IDO2: variants seen among roughly 807,000 people sequenced by gnomAD.
IDO2 encodes indoleamine 2,3-dioxygenase 2.
Under a neutral mutation model 45.1 loss-of-function variants are expected in IDO2, and 46 were observed. The observed-to-expected ratio is 1.02, with a 90% CI of 0.80 to 1.30. The LOEUF (loss-of-function observed/expected upper bound fraction) is 1.30. Among genes scored for constraint, IDO2 ranks in the 50% most tolerant of loss-of-function variants. The pLI is 0.00. For missense variants in IDO2, 544 were observed against 491.8 expected, an observed-to-expected ratio of 1.11 and a Z score of -1.00; for synonymous variants, 218 against 184.9, an observed-to-expected ratio of 1.18 and a Z score of -1.45.
intron 1 of IDO2, among the ~76,000 whole-genome samples, chr8:39,935,940 T>C (rs1011197218): frequency 6.6e-6 from 1 of 152,130 alleles, no homozygotes; most frequent in Non-Finnish European, 1.5e-5. Flanking sequence ...TAACTGAAAA[T>C]CAAAAGGGCA....
chr8:40,006,439 T>C (rs892005129), intron 9 of IDO2, among the ~76,000 whole-genome samples: 1 of 152,210 alleles, frequency 6.6e-6, no homozygotes, highest in African/African-American at 2.4e-5. Context: ...TGTCTTATGA[T>C]ATTTTCAACT....
intron 3 of IDO2, among the ~76,000 whole-genome samples, chr8:39,966,804 C>T (rs908372085): frequency 6.6e-6 from 1 of 152,130 alleles, no homozygotes; most frequent in African/African-American, 2.4e-5. Context: ...TAAAACTAAC[C>T]TTCGTTCATG....
chr8:39,976,553 C>T (rs1808261725), intron 3 of IDO2, among the ~76,000 whole-genome samples: 1 of 152,122 alleles, frequency 6.6e-6, no homozygotes, highest in Admixed American at 6.6e-5. Context: ...TCATGAAATG[C>T]TTCTAATAAA....
At chr8:39,957,690 C>T (rs1428274534) in intron 2 of IDO2, among the ~76,000 whole-genome samples, 1 of 152,166 alleles carries the variant, frequency 6.6e-6, no homozygotes, top group African/African-American at 2.4e-5. Context: ...TGATGCTCAC[C>T]TGTCTCTAGA....
At chr8:39,974,551 G>A (rs1274411579) in intron 3 of IDO2, among the ~76,000 whole-genome samples, 1 of 152,110 alleles carries the variant, frequency 6.6e-6, no homozygotes, top group Admixed American at 6.5e-5. Context: ...GGGAGGCCGA[G>A]GTGGGTGGAT....
At chr8:39,989,244 G>A (rs1343055710) in intron 7 of IDO2, among the ~76,000 whole-genome samples, 1 of 152,040 alleles carries the variant, frequency 6.6e-6, no homozygotes, top group African/African-American at 2.4e-5. Flanking sequence ...AGAACAGTAT[G>A]GGAGAGCCCA....
At position 40,013,714 on chromosome 8, in the gene IDO2, G is replaced by A. The variant is rs1227984329; in HGVS notation, c.868+1G>A. 1 of 1,598,842 alleles carries A rather than the reference G, an allele frequency of 6.3e-7. No homozygotes were observed. Among genetic ancestry groups the A allele is most frequent in the African/African-American group, 1.3e-5 (1 of 74,456 alleles). On this transcript the variant is annotated splice_donor_variant, in intron 10 of 10. Transcript: ENST00000502986. LOFTEE classifies it high-confidence loss of function. ...GGCATTCGTCATAGCAAGGAAAGTG[G>A]TAAGTCAGACATTTTGTTTTCCCTT...
intron 3 of IDO2, among the ~76,000 whole-genome samples, chr8:39,974,020 G>A (rs1276194754): frequency 6.6e-6 from 1 of 152,154 alleles, no homozygotes; most frequent in Non-Finnish European, 1.5e-5. Flanking sequence ...GATTACAGGT[G>A]TGAGCCACTG....
chr8:39,962,074 G>A (rs532346033), intron 2 of IDO2, among the ~76,000 whole-genome samples: 1 of 152,240 alleles, frequency 6.6e-6, no homozygotes, highest in African/African-American at 2.4e-5. Context: ...AGACAGGCTG[G>A]GTGCCAATGA....
intron 8 of IDO2, among the ~76,000 whole-genome samples, chr8:39,994,949 C>T (rs16888502): frequency 0.46 from 69,668 of 151,816 alleles, 16,650 homozygotes; most frequent in South Asian, 0.53. Flanking sequence ...CTGCAAAGAT[C>T]AAGAGCACAC....
chr8:39,987,683 T>G (rs1189039049), intron 6 of IDO2, 188 bp from the exon 7 acceptor site: 1 of 544,490 alleles, frequency 1.8e-6, no homozygotes, highest in Non-Finnish European at 3.3e-6. Flanking sequence ...AAATTGAACT[T>G]ATCTGTTCTC....
intron 1 of IDO2, among the ~76,000 whole-genome samples, chr8:39,946,635 C>G (rs926745419): frequency 1.3e-5 from 2 of 151,814 alleles, no homozygotes; most frequent in Non-Finnish European, 2.9e-5. Context: ...AAATAACCTC[C>G]GCTCCCTGAA....
At chr8:40,010,874 A>T (rs1277951667) in intron 9 of IDO2, among the ~76,000 whole-genome samples, 1 of 152,132 alleles carries the variant, frequency 6.6e-6, no homozygotes, top group Non-Finnish European at 1.5e-5. Context: ...TATCAGTGTA[A>T]ATAGCTTTTT....
intron 8 of IDO2, among the ~76,000 whole-genome samples, chr8:40,004,611 G>A (rs1330545115): frequency 6.6e-6 from 1 of 152,058 alleles, no homozygotes; most frequent in Non-Finnish European, 1.5e-5. Flanking sequence ...GAGACACAGT[G>A]ATCTCAGTAA....
intron 1 of IDO2, among the ~76,000 whole-genome samples, chr8:39,943,374 A>G (rs1585394157): frequency 1.3e-5 from 2 of 151,968 alleles, no homozygotes; most frequent in Admixed American, 1.3e-4. Flanking sequence ...ATCTCAAAAA[A>G]CAAACAAACA....
chr8:39,977,622 A>C (rs1808278378), intron 3 of IDO2, among the ~76,000 whole-genome samples: 8 of 152,242 alleles, frequency 5.3e-5, no homozygotes. Flanking sequence ...TCAAAGCTGC[A>C]GTGAGCTATG....
chr8:39,942,496 C>G (rs1477571603), intron 1 of IDO2, among the ~76,000 whole-genome samples: 1 of 152,040 alleles, frequency 6.6e-6, no homozygotes, highest in African/African-American at 2.4e-5. Context: ...CCACAATTAC[C>G]CAGCGTGGTG....
chr8:39,991,862 C>A (rs113043725), intron 8 of IDO2, among the ~76,000 whole-genome samples: 4 of 152,178 alleles, frequency 2.6e-5, no homozygotes, highest in African/African-American at 9.6e-5. Context: ...TGAGCCACTG[C>A]GCCCAGCTCA....
intron 2 of IDO2, among the ~76,000 whole-genome samples, chr8:39,962,644 T>C (rs972272079): frequency 3.9e-5 from 6 of 152,142 alleles, no homozygotes; most frequent in African/African-American, 1.4e-4. Context: ...GGGAGTTCTC[T>C]GCAAAGAGAG....
Sources: allele counts gnomAD v4.1 joint callset (sites outside exome capture counted in the v4.1 genomes callset), GRCh38; gene constraint gnomAD v4.1.1; transcripts MANE v1.5; gene names NCBI Gene and HGNC (gene_info 2026-07-23, HGNC 2026-07-21).